Variants in CAVIN1 observed in about 807,000 individuals in gnomAD.
CAVIN1 encodes the protein caveolae-associated protein 1.
A neutral mutation model predicts 24.0 loss-of-function variants in CAVIN1; 16 were observed. That is an observed-to-expected ratio of 0.67 (90% CI 0.45 to 1.01). The LOEUF (loss-of-function observed/expected upper bound fraction) is 1.01, where lower values mean the gene tolerates loss of function less well. Ranked by LOEUF, CAVIN1 falls within the 50% of genes least tolerant of loss-of-function variation. The probability of loss-of-function intolerance (pLI) is 0.00; values close to 1 mark genes in which losing one functional copy is unlikely to be tolerated. For synonymous variants in CAVIN1, 256 were observed against 256.4 expected, an observed-to-expected ratio of 1.00 and a Z score of 0.02; for missense variants, 510 against 551.7, an observed-to-expected ratio of 0.92 and a Z score of 0.76.
chr17:42,419,249 T>C (rs8065007), intron 1 of CAVIN1, among the ~76,000 whole-genome samples: 127,027 of 151,912 alleles, frequency 0.84, 54,582 homozygotes, highest in East Asian at 0.98. Flanking sequence ...GAAGAATTGG[T>C]TCTTTAATGA....
chr17:42,420,070 T>A (rs895649222), intron 1 of CAVIN1, among the ~76,000 whole-genome samples: 2 of 141,542 alleles, frequency 1.4e-5, no homozygotes, highest in Admixed American at 1.4e-4. Flanking sequence ...TTCCCATCCC[T>A]TGGTGTTCTC....
chr17:42,412,312 A>AAGGGCCTTGGTGGCATGCAGAGT, intron 1 of CAVIN1: 1 of 984,858 alleles, frequency 1.0e-6, no homozygotes. Flanking sequence ...GTTGAGAAAA[A>AAGGGCCTTGGTGGCATGCAGAGT]AGGGCCTTGG....
At chr17:42,415,263 T>C (rs1236987982) in intron 1 of CAVIN1, among the ~76,000 whole-genome samples, 1 of 152,156 alleles carries the variant, frequency 6.6e-6, no homozygotes, top group Non-Finnish European at 1.5e-5. Context: ...GCAGTGAGTG[T>C]AGCGGAAGGG....
intron 1 of CAVIN1, among the ~76,000 whole-genome samples, chr17:42,410,286 A>T (rs1437083448): frequency 3.3e-5 from 5 of 152,070 alleles, no homozygotes. Flanking sequence ...GAGACCCAGG[A>T]TCTGCTTAGA....
At chr17:42,413,274 G>A (rs1415909020) in intron 1 of CAVIN1, among the ~76,000 whole-genome samples, 3 of 151,884 alleles carry the variant, frequency 2.0e-5, no homozygotes, top group African/African-American at 7.3e-5. Context: ...GAGGGCCCTG[G>A]GAGCTGGGCA....
chr17:42,412,560 A>ATTTTTTTTT (rs60982549), intron 1 of CAVIN1, among the ~76,000 whole-genome samples: 1 of 125,732 alleles, frequency 8.0e-6, no homozygotes, highest in African/African-American at 3.0e-5. Flanking sequence ...AACCCGGCTA[A>ATTTTTTTTT]TTTTTTTTTT....
At chr17:42,406,293 G>T (rs1484405007) in intron 1 of CAVIN1, among the ~76,000 whole-genome samples, 1 of 152,150 alleles carries the variant, frequency 6.6e-6, no homozygotes, top group South Asian at 2.1e-4. Context: ...TTGAAAGCGG[G>T]TAGGGGTTTG....
rs1316782577 is a variant in CAVIN1, at chr17:42,403,720, AG to A, written c.*966del. ...TGGCTCACTGCAACCTCCACCTCCC[AG>A]GTTCAAGCAATTCTCCCCACCTCAG... On this transcript the variant is annotated 3_prime_UTR_variant, in exon 2 of 2. Coordinates refer to ENST00000357037, the MANE Select transcript of CAVIN1 (RefSeq NM_012232.6). The A allele has an allele frequency of 2.0e-5, 3 of 152,288 alleles. No individual in the cohort carries two copies. The highest frequency in any genetic ancestry group is 7.3e-5 in the African/African-American group (3 of 41,272). The allele number at this position is 152,288 out of a possible 1,614,324, so 9.4% of individuals were successfully genotyped here.
At chr17:42,405,653 G>T (rs1242643402) in intron 1 of CAVIN1, among the ~76,000 whole-genome samples, 1 of 145,448 alleles carries the variant, frequency 6.9e-6, no homozygotes, top group African/African-American at 2.6e-5. Flanking sequence ...CCAACCCCGC[G>T]TCGCCATTCT....
At chr17:42,409,972 A>G (rs1252814193) in intron 1 of CAVIN1, among the ~76,000 whole-genome samples, 5 of 152,186 alleles carry the variant, frequency 3.3e-5, no homozygotes, top group Non-Finnish European at 5.9e-5. Flanking sequence ...TGCCAAGCAC[A>G]CATAGCTCCT....
At chr17:42,409,249 C>T (rs975365855) in intron 1 of CAVIN1, among the ~76,000 whole-genome samples, 1 of 151,856 alleles carries the variant, frequency 6.6e-6, no homozygotes, top group African/African-American at 2.4e-5. Flanking sequence ...TACAGGCGCA[C>T]GCCACCATGC....
In CAVIN1 at chr17:42,404,225, G is replaced by A. The variant is rs111860392; in HGVS notation, c.*462C>T. On this transcript the variant is annotated 3_prime_UTR_variant, in exon 2 of 2. Transcript: ENST00000357037. Reference sequence around the variant, plus strand: ...CTTCTAGTAGGGGGCCTCCCATGGGGGCAGGGATCCCCTTTAGGATTCAAT... The same window carrying A: ...CTTCTAGTAGGGGGCCTCCCATGGGAGCAGGGATCCCCTTTAGGATTCAAT... 0.022 allele frequency: 3,389 copies of A among 154,762 alleles called. 53 individuals are homozygous for A. Among genetic ancestry groups the A allele is most frequent in the Middle Eastern group, 0.034 (10 of 298 alleles). 9.6% of individuals were successfully genotyped at this position (154,762 alleles called of 1,614,324 possible).
chr17:42,412,308 A>T, intron 1 of CAVIN1: 2 of 984,140 alleles, frequency 2.0e-6, no homozygotes, highest in Non-Finnish European at 2.4e-6. Flanking sequence ...AGGAGTTGAG[A>T]AAAAAGGGCC....
chr17:42,407,490 A>G (rs1248201080), intron 1 of CAVIN1, among the ~76,000 whole-genome samples: 1 of 151,864 alleles, frequency 6.6e-6, no homozygotes, highest in African/African-American at 2.4e-5. Flanking sequence ...CCTCCCATCA[A>G]CATCCCCCCA....
intron 1 of CAVIN1, among the ~76,000 whole-genome samples, chr17:42,411,085 T>TG (rs1435389172): frequency 6.8e-6 from 1 of 146,172 alleles, no homozygotes; most frequent in Non-Finnish European, 1.5e-5. Flanking sequence ...CCCAGCTACT[T>TG]GGGAGGCTGA....
At chr17:42,421,608 G>T (rs990006539) in intron 1 of CAVIN1, among the ~76,000 whole-genome samples, 3 of 152,126 alleles carry the variant, frequency 2.0e-5, no homozygotes, top group African/African-American at 7.2e-5. Flanking sequence ...GGCGTGGAGA[G>T]GAGCAGCATA....
intron 1 of CAVIN1, chr17:42,411,844 C>T: frequency 1.0e-6 from 1 of 985,402 alleles, no homozygotes; most frequent in South Asian, 4.7e-5. Flanking sequence ...AGGCCCCTTC[C>T]ATTCCCCTCC....
At chr17:42,412,904 A>G (rs2085488608) in intron 1 of CAVIN1, among the ~76,000 whole-genome samples, 1 of 151,010 alleles carries the variant, frequency 6.6e-6, no homozygotes, top group African/African-American at 2.4e-5. Context: ...GGCGGGAACC[A>G]CTGCGCCTGG....
chr17:42,413,330 C>T (rs568825136), intron 1 of CAVIN1, among the ~76,000 whole-genome samples: 1 of 151,898 alleles, frequency 6.6e-6, no homozygotes, highest in South Asian at 2.1e-4. Context: ...ACTTTGGAGG[C>T]CAAGGTGGGT....
Sources: allele counts gnomAD v4.1 joint callset (sites outside exome capture counted in the v4.1 genomes callset), GRCh38; gene constraint gnomAD v4.1.1; transcripts MANE v1.5; gene names NCBI Gene and HGNC (gene_info 2026-07-23, HGNC 2026-07-21).